MICAL3: variants seen among roughly 807,000 people sequenced by gnomAD.
MICAL3 encodes the protein microtubule associated monooxygenase, calponin and LIM domain containing 3.
A neutral mutation model predicts 207.4 loss-of-function variants in MICAL3; 62 were observed. That is an observed-to-expected ratio of 0.30 (90% CI 0.24 to 0.37). The LOEUF is 0.37. Among genes scored for constraint, MICAL3 ranks in the 10% least tolerant of loss-of-function variants. The probability of loss-of-function intolerance (pLI) is 1.00; values close to 1 mark genes in which losing one functional copy is unlikely to be tolerated. For missense variants in MICAL3, 2,368 were observed against 2,635.6 expected (o/e 0.90, Z 2.22); for synonymous variants, 1,077 against 1,069.3 (o/e 1.01, Z -0.14).
intron 1 of MICAL3, among the ~76,000 whole-genome samples, chr22:18,002,888 G>T (rs144764414): frequency 2.1e-3 from 319 of 152,256 alleles, no homozygotes; most frequent in Middle Eastern, 0.01. Flanking sequence ...TGGGCGCGGT[G>T]GCTCACGCCT....
At chr22:17,829,697 T>C (rs1382371215) in intron 21 of MICAL3, among the ~76,000 whole-genome samples, 3 of 152,230 alleles carry the variant, frequency 2.0e-5, no homozygotes. Context: ...CATTTCCTCC[T>C]TTCTCAGAGA....
chr22:17,805,783 C>T (rs1299680268), intron 29 of MICAL3, among the ~76,000 whole-genome samples: 1 of 152,228 alleles, frequency 6.6e-6, no homozygotes, highest in African/African-American at 2.4e-5. Flanking sequence ...GGTTGGACTG[C>T]AATGGCGTGA....
intron 1 of MICAL3, among the ~76,000 whole-genome samples, chr22:17,916,249 CCG>C (rs1602213816): frequency 6.6e-6 from 1 of 152,022 alleles, no homozygotes; most frequent in Admixed American, 6.6e-5. Context: ...GCGACATCTG[CCG>C]CATGTCTCGC....
intron 19 of MICAL3, among the ~76,000 whole-genome samples, chr22:17,850,086 C>G (rs766932375): frequency 6.6e-6 from 1 of 152,084 alleles, no homozygotes; most frequent in Non-Finnish European, 1.5e-5. Context: ...AGTGGGAAAG[C>G]AGGTGACATG....
At chr22:17,858,360 G>A (rs2146120188) in intron 19 of MICAL3, 1 of 488,104 alleles carries the variant, frequency 2.0e-6, no homozygotes, top group African/African-American at 2.1e-5. Context: ...TAATCTACTT[G>A]CTGGCACTTG....
chr22:17,880,551 T>A (rs1382487759), intron 16 of MICAL3, among the ~76,000 whole-genome samples: 1 of 152,202 alleles, frequency 6.6e-6, no homozygotes, highest in Admixed American at 6.5e-5. Context: ...TTTCCATAGA[T>A]CCTGCTCTTG....
chr22:17,795,207 C>A lies in MICAL3; in HGVS notation c.5651-3906G>T, dbSNP rs1601913247. 2.0e-5 allele frequency among the ~76,000 whole-genome samples: 3 copies of A among 152,366 alleles called. No individual in the cohort carries two copies. In the East Asian group the frequency reaches 5.8e-4, roughly 29 times the overall value. On this transcript the variant is annotated intron_variant, in intron 29 of 31. Transcript: ENST00000441493. ...CACACACGGCACAGCCGGCCGAATG[C>A]ATGGGTACGAGGGAGGATTTCTTTC...
rs966394656 is a variant in MICAL3, at chr22:17,821,507, G to A, written c.3451C>T (p.Pro1151Ser). ...PASPKHQERG[P>S]SQATSPIRSP... ...CGGATGGGGCTGGTGGCTTGGGAGG[G>A]ACCTGAAAAGAATGAACACAGGGAC... The change falls in exon 25 of 32, where the codon CCC becomes TCC. Residue 1151 changes from proline to serine, a missense_variant and splice_region_variant. Transcript: ENST00000441493. 2.0e-6 allele frequency: 3 copies of A among 1,538,256 alleles called. No homozygotes were observed. In the South Asian group the frequency reaches 3.7e-5, roughly 19 times the overall value.
intron 25 of MICAL3, among the ~76,000 whole-genome samples, chr22:17,821,087 T>C (rs1921596839): frequency 6.6e-6 from 1 of 151,828 alleles, no homozygotes; most frequent in Non-Finnish European, 1.5e-5. Context: ...TTTGTTTAAA[T>C]TAAACATATG....
chr22:17,804,039 G>A (rs1478733377), intron 29 of MICAL3, among the ~76,000 whole-genome samples: 1 of 152,216 alleles, frequency 6.6e-6, no homozygotes, highest in Non-Finnish European at 1.5e-5. Flanking sequence ...ATCACATACT[G>A]CATGTCCACA....
intron 17 of MICAL3, among the ~76,000 whole-genome samples, chr22:17,871,191 G>A (rs1013102467): frequency 6.6e-6 from 1 of 152,138 alleles, no homozygotes; most frequent in Non-Finnish European, 1.5e-5. Flanking sequence ...CCATCACGAT[G>A]GCTCTATCGT....
At position 17,810,812 on chromosome 22, in the gene MICAL3, G is replaced by C; in HGVS notation, c.5447C>G (p.Pro1816Arg). ...EKSSQKSRREPRTYTEEELNA... is the reference protein window; with the variant it reads ...EKSSQKSRRERRTYTEEELNA... ...CAGTTCCTCCTCCGTGTAGGTTCTT[G>C]GCTGGAGAGAACAAGAGAAACTTCC... The change falls in exon 28 of 32, where the codon CCA becomes CGA. Residue 1816 changes from proline to arginine, a missense_variant and splice_region_variant. By Grantham distance (103) the Pro-to-Arg change is moderately radical. Coordinates refer to ENST00000441493, the MANE Select transcript of MICAL3 (RefSeq NM_015241.3). The C allele has an allele frequency of 6.2e-7, 1 of 1,613,462 alleles. No individual in the cohort carries two copies.
chr22:17,893,353 T>C (rs1930533986), intron 11 of MICAL3, among the ~76,000 whole-genome samples: 1 of 152,132 alleles, frequency 6.6e-6, no homozygotes, highest in African/African-American at 2.4e-5. Flanking sequence ...GGGCCTTCAA[T>C]ACATACAAAA....
At chr22:17,990,409 G>A (rs1016184515) in intron 1 of MICAL3, among the ~76,000 whole-genome samples, 9 of 152,238 alleles carry the variant, frequency 5.9e-5, no homozygotes, top group African/African-American at 1.2e-4. Context: ...AGTTTCATGA[G>A]CACCAGTCAG....
rs377503785 is a variant in MICAL3 at position 17,891,775 on chromosome 22, A to G, written c.1547-143T>C. ...GTCAACACTAGTTTCCATGCAAAGA[A>G]AACAGTGAGGAACAAGGTTATGCAA... is the stretch of plus-strand genomic sequence containing the variant. On this transcript the variant is annotated intron_variant, in intron 11 of 31. Transcript: ENST00000441493. The G allele has an allele frequency of 2.7e-4, 194 of 715,858 alleles. 2 individuals are homozygous for G. Among genetic ancestry groups the G allele is most frequent in the East Asian group, 2.6e-3 (95 of 36,782 alleles). 44.3% of individuals were successfully genotyped at this position (715,858 alleles called of 1,614,324 possible).
intron 8 of MICAL3, 103 bp downstream of exon 8, chr22:17,896,621 G>T: frequency 8.2e-7 from 1 of 1,219,150 alleles, no homozygotes; most frequent in Non-Finnish European, 1.2e-6. Context: ...GTTTACCTGT[G>T]CTGTACAACA....
intron 29 of MICAL3, among the ~76,000 whole-genome samples, chr22:17,795,544 C>G (rs917431591): frequency 6.6e-6 from 1 of 152,242 alleles, no homozygotes; most frequent in Non-Finnish European, 1.5e-5. Context: ...AGGCCACATC[C>G]TCATACGCCC....
chr22:17,956,874 T>C (rs1026054175), intron 1 of MICAL3, among the ~76,000 whole-genome samples: 1 of 152,148 alleles, frequency 6.6e-6, no homozygotes, highest in Non-Finnish European at 1.5e-5. Flanking sequence ...AGTACCCCAA[T>C]CTTACTAGAG....
chr22:17,920,174 G>A (rs1053153362), intron 1 of MICAL3, among the ~76,000 whole-genome samples: 4 of 152,238 alleles, frequency 2.6e-5, no homozygotes, highest in African/African-American at 7.2e-5. Context: ...CGCGTGAAAC[G>A]CCAGCCTTGG....
Sources: gnomAD v4.1 joint callset for allele counts (sites outside exome capture counted in the v4.1 genomes callset) on GRCh38, gnomAD v4.1.1 for gene constraint, MANE v1.5 for transcripts, NCBI Gene and HGNC (gene_info 2026-07-23, HGNC 2026-07-21) for gene names.